Variants in LINGO2 observed in about 807,000 individuals in gnomAD.
The protein encoded by LINGO2 is leucine-rich repeat and immunoglobulin-like domain-containing nogo receptor-interacting protein 2.
Under a neutral mutation model 30.6 loss-of-function variants are expected in LINGO2, and 14 were observed. The observed-to-expected ratio is 0.46, with a 90% CI of 0.30 to 0.72. The LOEUF is 0.72. LINGO2 is among the 30% of genes least tolerant of loss of function. LINGO2 has a pLI of 0.07. For missense variants in LINGO2, 729 were observed against 751.7 expected, an observed-to-expected ratio of 0.97 and a Z score of 0.35; for synonymous variants, 317 against 288.5, an observed-to-expected ratio of 1.10 and a Z score of -1.00.
chr9:28,592,480 C>A (rs563784004), intron 1 of LINGO2, among the ~76,000 whole-genome samples: 27 of 152,188 alleles, frequency 1.8e-4, no homozygotes, highest in African/African-American at 6.5e-4. Flanking sequence ...ACTGAGTTTG[C>A]TTTCAAGCTT....
chr9:28,265,969 A>C (rs142941810), intron 4 of LINGO2, among the ~76,000 whole-genome samples: 15 of 152,120 alleles, frequency 9.9e-5, no homozygotes, highest in Non-Finnish European at 1.6e-4. Flanking sequence ...AGAATCTGAG[A>C]TGATAAGGAT....
chr9:28,208,460 A>T (rs1014003), intron 4 of LINGO2, among the ~76,000 whole-genome samples: 7 of 152,086 alleles, frequency 4.6e-5, no homozygotes, highest in Admixed American at 2.0e-4. Context: ...GGAAGCTAGA[A>T]TTATAACCTT....
the LINGO2 span, among the ~76,000 whole-genome samples, chr9:29,043,582 T>C: frequency 6.6e-6 from 1 of 152,026 alleles, no homozygotes; most frequent in African/African-American, 2.4e-5. Context: ...TTTCTGGTTA[T>C]AGGCATGCAT....
At chr9:28,609,744 T>C (rs1825837174) in intron 1 of LINGO2, among the ~76,000 whole-genome samples, 1 of 152,104 alleles carries the variant, frequency 6.6e-6, no homozygotes, top group African/African-American at 2.4e-5. Context: ...TTTCAACCAA[T>C]TATTTGTCAT....
chr9:28,194,841 C>T (rs1227068316), intron 4 of LINGO2, among the ~76,000 whole-genome samples: 4 of 151,908 alleles, frequency 2.6e-5, no homozygotes, highest in Admixed American at 1.3e-4. Context: ...GACTTTCTTA[C>T]GATGAAGGTG....
At chr9:28,808,999 G>A in the LINGO2 span, among the ~76,000 whole-genome samples, 4 of 152,080 alleles carry the variant, frequency 2.6e-5, no homozygotes, top group Non-Finnish European at 4.4e-5. Flanking sequence ...ATGCACTTAT[G>A]TATTTTTATC....
intron 4 of LINGO2, among the ~76,000 whole-genome samples, chr9:28,041,831 CAA>C (rs1263916578): frequency 1.1e-4 from 17 of 152,168 alleles, no homozygotes; most frequent in South Asian, 8.3e-4. Context: ...TATTGTAACT[CAA>C]AAAGTTTATA....
intron 4 of LINGO2, among the ~76,000 whole-genome samples, chr9:28,063,310 A>C (rs1240048761): frequency 2.6e-5 from 4 of 152,158 alleles, no homozygotes; most frequent in African/African-American, 9.7e-5. Flanking sequence ...AACAATATTA[A>C]TTTTTTAAAA....
chr9:29,167,079 A>G, the LINGO2 span, among the ~76,000 whole-genome samples: 1 of 152,120 alleles, frequency 6.6e-6, no homozygotes. Flanking sequence ...ATTGTAAACA[A>G]TAATTATTTA....
chr9:28,331,975 A>G (rs1825437103), intron 3 of LINGO2, among the ~76,000 whole-genome samples: 1 of 152,194 alleles, frequency 6.6e-6, no homozygotes, highest in Non-Finnish European at 1.5e-5. Flanking sequence ...TCAAAGGATT[A>G]TCTAAAACAT....
the LINGO2 span, among the ~76,000 whole-genome samples, chr9:29,087,947 A>G: frequency 4.6e-5 from 7 of 152,148 alleles, no homozygotes; most frequent in African/African-American, 7.2e-5. Flanking sequence ...GTTAAATGAG[A>G]TAAGTTATAT....
At chr9:28,353,823 A>G (rs901203889) in intron 3 of LINGO2, among the ~76,000 whole-genome samples, 1 of 152,034 alleles carries the variant, frequency 6.6e-6, no homozygotes, top group African/African-American at 2.4e-5. Flanking sequence ...CTATGCAGCC[A>G]TAAAAAATGA....
At chr9:28,662,529 A>AT (rs1828622494) in intron 1 of LINGO2, among the ~76,000 whole-genome samples, 2 of 152,118 alleles carry the variant, frequency 1.3e-5, no homozygotes, top group Non-Finnish European at 2.9e-5. Context: ...CATTACTGTC[A>AT]TTGCTGCCTA....
intron 4 of LINGO2, among the ~76,000 whole-genome samples, chr9:28,283,499 T>C (rs536400522): frequency 6.6e-6 from 1 of 152,308 alleles, no homozygotes; most frequent in African/African-American, 2.4e-5. Context: ...CATAGAAATG[T>C]ATTTTATAGT....
chr9:28,997,883 G>A, the LINGO2 span, among the ~76,000 whole-genome samples: 1 of 151,786 alleles, frequency 6.6e-6, no homozygotes, highest in African/African-American at 2.4e-5. Context: ...TGTCACTTAT[G>A]TCCTTTTATT....
intron 4 of LINGO2, among the ~76,000 whole-genome samples, chr9:28,029,784 TAGA>T (rs1008775048): frequency 2.7e-5 from 4 of 149,014 alleles, no homozygotes; most frequent in African/African-American, 1.0e-4. Context: ...GGGAAGTTCT[TAGA>T]ATAGTTCCTG....
chr9:28,276,516 G>C (rs777380977), intron 4 of LINGO2, among the ~76,000 whole-genome samples: 1 of 152,092 alleles, frequency 6.6e-6, no homozygotes, highest in Non-Finnish European at 1.5e-5. Flanking sequence ...GTATTCTGAT[G>C]TATCAACAAA....
At chr9:28,950,026 C>T in the LINGO2 span, among the ~76,000 whole-genome samples, 3 of 152,126 alleles carry the variant, frequency 2.0e-5, no homozygotes, top group African/African-American at 2.4e-5. Context: ...TCCAGCAGCA[C>T]ATTAAAAAGT....
chr9:28,656,653 T>C (rs1382337616), intron 1 of LINGO2, among the ~76,000 whole-genome samples: 1 of 152,118 alleles, frequency 6.6e-6, no homozygotes, highest in African/African-American at 2.4e-5. Flanking sequence ...TGTGATCCTA[T>C]GCTTTCTATT....
Sources: allele counts gnomAD v4.1 joint callset (sites outside exome capture counted in the v4.1 genomes callset), GRCh38; gene constraint gnomAD v4.1.1; transcripts MANE v1.5; gene names NCBI Gene and HGNC (gene_info 2026-07-23, HGNC 2026-07-21).